Variants in TANC2 observed in about 807,000 individuals in gnomAD.
The protein encoded by TANC2 is protein TANC2.
TANC2 carries 26 observed loss-of-function variants against 210.5 expected under a neutral mutation model. The ratio of observed to expected loss-of-function variants is 0.12; its 90% CI spans 0.09 to 0.17. The LOEUF (loss-of-function observed/expected upper bound fraction) is 0.17, where lower values mean the gene tolerates loss of function less well. Among genes scored for constraint, TANC2 ranks in the 10% least tolerant of loss-of-function variants. TANC2 has a pLI of 1.00. For missense variants in TANC2, 2,129 were observed against 2,608.9 expected (o/e 0.82, Z 4.01); for synonymous variants, 931 against 967.1 (o/e 0.96, Z 0.69).
At chr17:63,086,369 A>G (rs1220220560) in intron 3 of TANC2, among the ~76,000 whole-genome samples, 1 of 152,022 alleles carries the variant, frequency 6.6e-6, no homozygotes, top group Non-Finnish European at 1.5e-5. Flanking sequence ...GTGGTTCCAC[A>G]GTTCTTAGGT....
At chr17:63,279,942 T>C (rs866055332) in intron 9 of TANC2, among the ~76,000 whole-genome samples, 5 of 152,086 alleles carry the variant, frequency 3.3e-5, no homozygotes, top group Non-Finnish European at 5.9e-5. Context: ...CGAAAGATTA[T>C]GGGGAAGTGG....
At chr17:63,122,857 T>C (rs1457254727) in intron 4 of TANC2, among the ~76,000 whole-genome samples, 4 of 152,198 alleles carry the variant, frequency 2.6e-5, no homozygotes, top group African/African-American at 9.7e-5. Context: ...AAAATATTGT[T>C]TATTATGTAG....
chr17:63,303,381 A>C (rs968003289), intron 9 of TANC2, among the ~76,000 whole-genome samples: 5 of 152,122 alleles, frequency 3.3e-5, no homozygotes, highest in African/African-American at 1.2e-4. Context: ...CTGGATATGA[A>C]ATCCTGGGTT....
chr17:63,196,490 T>C (rs551659686), intron 6 of TANC2, among the ~76,000 whole-genome samples: 12 of 152,344 alleles, frequency 7.9e-5, no homozygotes, highest in African/African-American at 2.9e-4. Flanking sequence ...TTGTACTTGT[T>C]GTTCTTGAGA....
chr17:63,106,165 G>T lies in TANC2; in HGVS notation c.322+6808G>T, dbSNP rs114354694. ...GGGGGGCCCTTATTTCCTTGAAGAG[G>T]TTATTTCTGTAGTCTTCCAAATCAA... On this transcript the variant is annotated intron_variant, in intron 4 of 27. Coordinates refer to ENST00000689528, the Ensembl canonical transcript of TANC2. Among the ~76,000 whole-genome samples the T allele has an allele frequency of 7.2e-3, 1,093 of 151,606 alleles. 58 individuals are homozygous for T. The highest frequency in any genetic ancestry group is 0.024 in the African/African-American group (992 of 40,982).
At chr17:63,010,875 G>A (rs545847536) in intron 2 of TANC2, among the ~76,000 whole-genome samples, 8 of 152,188 alleles carry the variant, frequency 5.3e-5, no homozygotes, top group East Asian at 1.9e-4. Context: ...TGGGTATGCC[G>A]CCTTCTCAAC....
intron 1 of TANC2, among the ~76,000 whole-genome samples, chr17:62,990,756 G>A (rs992009293): frequency 1.3e-5 from 2 of 152,126 alleles, no homozygotes; most frequent in African/African-American, 2.4e-5. Flanking sequence ...AAAGGAATAT[G>A]TCTATTTTAA....
chr17:63,034,567 C>T, intron 2 of TANC2, among the ~76,000 whole-genome samples: 1 of 152,138 alleles, frequency 6.6e-6, no homozygotes, highest in East Asian at 1.9e-4. Flanking sequence ...TCTGATGGAT[C>T]TAGGCAAAGT....
chr17:63,312,770 A>T (rs1336764231), intron 9 of TANC2, among the ~76,000 whole-genome samples: 1 of 152,152 alleles, frequency 6.6e-6, no homozygotes, highest in Admixed American at 6.6e-5. Context: ...TGTTACAGAA[A>T]TGTGAATCAG....
chr17:63,335,378 C>T lies in TANC2; in HGVS notation c.1576-4723C>T, dbSNP rs371968188. The stretch of plus-strand genomic sequence containing the variant: ...CTGTAATCCCAACACTTTGGGAGGC[C>T]GAGGTGGGCAGATCACAAGGTCAGG... On this transcript the variant is annotated intron_variant, in intron 11 of 27. Coordinates refer to ENST00000689528, the Ensembl canonical transcript of TANC2. 5.0e-4 allele frequency among the ~76,000 whole-genome samples: 76 copies of T among 151,978 alleles called. No individual in the cohort carries two copies. In the East Asian group the frequency reaches 0.012, roughly 24 times the overall value.
intron 12 of TANC2, among the ~76,000 whole-genome samples, chr17:63,341,868 C>T (rs573934316): frequency 4.6e-5 from 7 of 152,294 alleles, no homozygotes; most frequent in African/African-American, 1.7e-4. Context: ...GCTTGATGGC[C>T]AGTATCCAAC....
chr17:63,357,677 C>A (rs1289461952), intron 14 of TANC2, among the ~76,000 whole-genome samples: 7 of 152,228 alleles, frequency 4.6e-5, no homozygotes, highest in Non-Finnish European at 8.8e-5. Context: ...GATCTCAGTG[C>A]TTAAGGCTCC....
At position 63,421,833 on chromosome 17, in the gene TANC2, C is replaced by T. The variant is rs2049033274; in HGVS notation, c.6103C>T (p.Arg2035Trp). The change falls in exon 28 of 28, where the codon CGG becomes TGG. Residue 2035 changes from arginine (R) to tryptophan (W), a missense_variant. This residue lies in a region of TANC2 where 161 missense variants were observed against 178.6 expected (regional missense o/e 0.90). Transcript: ENST00000689528. The surrounding 1 kb of genome is among the most constrained non-coding windows in gnomAD (Gnocchi z 6.9). Reference sequence around the variant, plus strand: ...CTCCTATCCCGACGTGAAGGTAGCTCGGACTCTACCTGTGGCTCAGGCATA... The same window carrying T: ...CTCCTATCCCGACGTGAAGGTAGCTTGGACTCTACCTGTGGCTCAGGCATA... 6.2e-7 allele frequency: 1 copy of T among 1,614,020 alleles called. No individual in the cohort carries two copies. The highest frequency in any genetic ancestry group is 1.1e-5 in the South Asian group (1 of 91,078).
chr17:63,129,031 T>A (rs919631206), intron 4 of TANC2, among the ~76,000 whole-genome samples: 1 of 152,142 alleles, frequency 6.6e-6, no homozygotes, highest in African/African-American at 2.4e-5. Context: ...TTTGTTTGTT[T>A]TTTTGAGCCA....
intron 7 of TANC2, among the ~76,000 whole-genome samples, chr17:63,218,200 C>T (rs1264503097): frequency 6.6e-6 from 1 of 151,358 alleles, no homozygotes; most frequent in Non-Finnish European, 1.5e-5. Context: ...CCCAGGAGTT[C>T]GAGGCTGCAG....
At chr17:63,215,230 C>T (rs574690439) in intron 7 of TANC2, among the ~76,000 whole-genome samples, 1 of 152,322 alleles carries the variant, frequency 6.6e-6, no homozygotes, top group South Asian at 2.1e-4. Context: ...GCATTCATCT[C>T]TCAGTAGCTG....
chr17:63,227,068 T>C (rs1189931849), intron 7 of TANC2, among the ~76,000 whole-genome samples: 1 of 152,202 alleles, frequency 6.6e-6, no homozygotes, highest in Non-Finnish European at 1.5e-5. Flanking sequence ...AACATATGTG[T>C]GTATGTATCT....
chr17:63,205,362 A>C (rs1235224294), intron 7 of TANC2, among the ~76,000 whole-genome samples: 2 of 147,568 alleles, frequency 1.4e-5, no homozygotes, highest in East Asian at 1.9e-4. Context: ...AAAAAAAAAA[A>C]AAAAAAAAAA....
intron 9 of TANC2, among the ~76,000 whole-genome samples, chr17:63,294,420 G>A (rs2044472811): frequency 6.6e-6 from 1 of 151,972 alleles, no homozygotes; most frequent in Non-Finnish European, 1.5e-5. Context: ...ACTGCAGTGG[G>A]CTGTGATCAC....
Sources: gnomAD v4.1 joint callset for allele counts (sites outside exome capture counted in the v4.1 genomes callset) on GRCh38, gnomAD v4.1.1 for gene constraint, gnomAD v4.1.1 regional missense constraint, Gnocchi (gnomAD v3.1) non-coding constraint, MANE v1.5 for transcripts, NCBI Gene and HGNC (gene_info 2026-07-23, HGNC 2026-07-21) for gene names.